USE1: variants seen among roughly 807,000 people sequenced by gnomAD.
The protein encoded by USE1 is unconventional SNARE in the ER 1.
Under a neutral mutation model 37.6 loss-of-function variants are expected in USE1, and 32 were observed. That is an observed-to-expected ratio of 0.85 (90% CI 0.64 to 1.14). The LOEUF (loss-of-function observed/expected upper bound fraction) is 1.14. USE1 is among the 50% of genes most tolerant of loss of function. The pLI, the probability that USE1 is intolerant of heterozygous loss-of-function variation, is 0.00. For missense variants in USE1, 310 were observed against 332.2 expected, an observed-to-expected ratio of 0.93 and a Z score of 0.52; for synonymous variants, 149 against 137.6, an observed-to-expected ratio of 1.08 and a Z score of -0.58.
intron 6 of USE1, 27 bp downstream of exon 6, chr19:17,218,418 A>C: frequency 6.2e-7 from 1 of 1,613,586 alleles, no homozygotes; most frequent in Non-Finnish European, 8.5e-7. Context: ...CTGGGGCAGT[A>C]GTGGCAATTG....
chr19:17,216,376 T>C (rs1354286729), intron 4 of USE1, 55 bp downstream of exon 4: 2 of 1,585,504 alleles, frequency 1.3e-6, no homozygotes, highest in East Asian at 4.5e-5. Flanking sequence ...AGGGGTTCTA[T>C]GCTTGTAGGC....
Position 17,215,950 on chromosome 19 carries a change from G to C in USE1, c.153-42G>C, listed in dbSNP as rs535052389. 5.2e-5 allele frequency: 82 copies of C among 1,583,032 alleles called. No homozygotes were observed. In the South Asian group the frequency reaches 9.2e-4, roughly 18 times the overall value. ...CAGCTGGGACCCTTCCCTGAGCTGG[G>C]GACCATGGACAGGTTTTGTTTTTCT... On this transcript the variant is annotated intron_variant, in intron 2 of 7. Coordinates refer to ENST00000263897, the MANE Select transcript of USE1 (RefSeq NM_018467.4).
intron 2 of USE1, 66 bp from the exon 3 acceptor site, chr19:17,215,926 A>T: frequency 6.3e-7 from 1 of 1,583,184 alleles, no homozygotes. Flanking sequence ...CCGCTATCCC[A>T]GCTGGGACCC....
intron 4 of USE1, 127 bp from the exon 5 acceptor site, chr19:17,217,326 G>A: frequency 9.6e-7 from 1 of 1,046,436 alleles, no homozygotes; most frequent in Non-Finnish European, 1.4e-6. Context: ...AGTAGAGATG[G>A]AATTTCATTA....
chr19:17,215,691 G>GCCCCGCCTCCTTTACGCTTGA, intron 1 of USE1, 111 bp from the exon 2 acceptor site: 1 of 1,065,516 alleles, frequency 9.4e-7, no homozygotes, highest in South Asian at 1.7e-5. Flanking sequence ...TCCCCCACTG[G>GCCCCGCCTCCTTTACGCTTGA]CCCCGCCTCC....
chr19:17,216,426 G>C (rs1211896934), intron 4 of USE1, 105 bp downstream of exon 4: 1 of 1,473,836 alleles, frequency 6.8e-7, no homozygotes, highest in East Asian at 2.3e-5. Flanking sequence ...GAACCCTAAG[G>C]GGGTCCAGCA....
chr19:17,216,199 C>G lies in USE1; in HGVS notation c.262C>G (p.Gln88Glu). 1 of 1,612,834 alleles carries G rather than the reference C, an allele frequency of 6.2e-7. No homozygotes were observed. ...TSSSEKALAN[Q>E]FLAPGRVPTT... Reference sequence around the variant, plus strand: ...CTCCTCAGAGAAAGCACTGGCCAACCAGTTCCTGGCCCCTGGCCGTGTGCC... The same window carrying G: ...CTCCTCAGAGAAAGCACTGGCCAACGAGTTCCTGGCCCCTGGCCGTGTGCC... Residue 88 changes from glutamine (Q) to glutamate (E), a missense_variant, in exon 4 of 8, where the codon CAG (glutamine) becomes GAG (glutamate). Physicochemically the swap from Gln to Glu is conservative, Grantham distance 29. Coordinates refer to ENST00000263897, the MANE Select transcript of USE1 (RefSeq NM_018467.4).
At chr19:17,215,671 A>AC in intron 1 of USE1, 131 bp from the exon 2 acceptor site, 2 of 686,268 alleles carry the variant, frequency 2.9e-6, no homozygotes, top group South Asian at 3.6e-5. Context: ...CGTCCCTGGG[A>AC]CTCCGCCCCT....
At position 17,219,740 on chromosome 19, in the gene USE1, C is replaced by T. The variant is rs753203157; in HGVS notation, c.707C>T (p.Ala236Val). ...AAGTCAGTCAACTGGCTGCTCTGGGCCATGCTCATTATCGTCTGCTTCATC... is the reference window on the plus strand; with the variant it reads ...AAGTCAGTCAACTGGCTGCTCTGGGTCATGCTCATTATCGTCTGCTTCATC... ...TQKSVNWLLW[A>V]MLIIVCFIFI... The change falls in exon 8 of 8, where the codon GCC becomes GTC. Residue 236 changes from alanine (A) to valine (V), a missense_variant. Ala to Val is a moderately conservative substitution (Grantham distance 64, BLOSUM62 0). Coordinates refer to ENST00000263897, the MANE Select transcript of USE1 (RefSeq NM_018467.4). 3.1e-6 allele frequency: 5 copies of T among 1,612,964 alleles called. No individual in the cohort carries two copies. The highest frequency in any genetic ancestry group is 3.4e-6 in the Non-Finnish European group (4 of 1,179,334).
chr19:17,215,598 G>A, intron 1 of USE1, 91 bp downstream of exon 1: 3 of 1,465,926 alleles, frequency 2.0e-6, no homozygotes, highest in Non-Finnish European at 1.8e-6. Context: ...CCCGGCCCCA[G>A]TAGCCTCTCG....
At chr19:17,217,801 A>G (rs1339442212) in intron 5 of USE1, 2 of 398,264 alleles carry the variant, frequency 5.0e-6, no homozygotes, top group African/African-American at 2.1e-5. Flanking sequence ...AGTCCCAGCT[A>G]CTCGGGAGGC....
Position 17,219,313 on chromosome 19 carries a change from G to A in USE1, c.523G>A (p.Glu175Lys), listed in dbSNP as rs2073310975. ...GAACCTCCAGGAAAAGCTGGCGGAA[G>A]AGATGCTAGGACTGGCCCGGAGCCT... is the stretch of plus-strand genomic sequence containing the variant. ...HQNLQEKLAEEMLGLARSLKT... is the reference protein window; with the variant it reads ...HQNLQEKLAEKMLGLARSLKT... The change falls in exon 7 of 8, where the codon GAG becomes AAG. Residue 175 changes from glutamate (E) to lysine (K), a missense_variant. By Grantham distance (56) the Glu-to-Lys change is moderately conservative. Transcript: ENST00000263897. The A allele has an allele frequency of 1.2e-6, 2 of 1,610,318 alleles. No individual in the cohort carries two copies. The highest frequency in any genetic ancestry group is 2.7e-5 in the African/African-American group (2 of 74,858).
At chr19:17,218,559 C>T (rs1476143438) in intron 6 of USE1, 168 bp downstream of exon 6, 4 of 783,006 alleles carry the variant, frequency 5.1e-6, no homozygotes, top group Non-Finnish European at 7.8e-6. Flanking sequence ...GGCGCAGTGG[C>T]TCACGCCTGT....
chr19:17,215,734 G>T, intron 1 of USE1, 68 bp from the exon 2 acceptor site: 2 of 555,796 alleles, frequency 3.6e-6, no homozygotes. Context: ...TGTCGGCCCC[G>T]CCCCCCCGAC....
chr19:17,216,083 G>T lies in USE1; in HGVS notation c.231+13G>T, dbSNP rs1326836307. ...AGCCGAGAAGCTGGTGAGAAGGGGTGCCCCTGCCCCCTCAGCCCCCATCAC... is the reference window on the plus strand; with the variant it reads ...AGCCGAGAAGCTGGTGAGAAGGGGTTCCCCTGCCCCCTCAGCCCCCATCAC... On this transcript the variant is annotated intron_variant, in intron 3 of 7. Coordinates refer to ENST00000263897, the MANE Select transcript of USE1 (RefSeq NM_018467.4). 1 of 1,613,080 alleles carries T rather than the reference G, an allele frequency of 6.2e-7. No individual in the cohort carries two copies. Among genetic ancestry groups the T allele is most frequent in the Non-Finnish European group, 8.5e-7 (1 of 1,179,580 alleles).
intron 6 of USE1, 55 bp downstream of exon 6, chr19:17,218,446 G>A (rs970496871): frequency 6.8e-6 from 11 of 1,610,194 alleles, no homozygotes; most frequent in South Asian, 2.2e-5. Context: ...CGGCAGGGAC[G>A]GGGTAGCAGT....
At position 17,217,458 on chromosome 19, in the gene USE1, T is replaced by A; in HGVS notation, c.390T>A (p.Ser130=). The part of the protein sequence containing the change: ...EMRSELLGTD[S]AEPEMDVRKR... ...CCACTTACTTCTTTCCACAGGACTC[T>A]GCAGGTGAGTCACCATGAACACAAC... is the stretch of plus-strand genomic sequence containing the variant. Residue 130 remains serine, a synonymous_variant, in exon 5 of 8, where the codon TCT becomes TCA. Transcript: ENST00000263897. 6.2e-7 allele frequency: 1 copy of A among 1,611,384 alleles called. No homozygotes were observed. Among genetic ancestry groups the A allele is most frequent in the Non-Finnish European group, 8.5e-7 (1 of 1,178,488 alleles).
At chr19:17,219,482 A>C in intron 7 of USE1, 95 bp downstream of exon 7, 1 of 1,446,322 alleles carries the variant, frequency 6.9e-7, no homozygotes, top group Non-Finnish European at 9.2e-7. Flanking sequence ...TTGCGGGATG[A>C]ATAGGAGTTT....
chr19:17,216,622 C>T (rs758963176), intron 4 of USE1, among the ~76,000 whole-genome samples: 14 of 152,178 alleles, frequency 9.2e-5, no homozygotes, highest in African/African-American at 2.9e-4. Context: ...TTTCTTCAGC[C>T]GTAAAAGAGG....
Sources: gnomAD v4.1 joint callset for allele counts (sites outside exome capture counted in the v4.1 genomes callset) on GRCh38, gnomAD v4.1.1 for gene constraint, MANE v1.5 for transcripts, NCBI Gene and HGNC (gene_info 2026-07-23, HGNC 2026-07-21) for gene names.